IQSEC1: variants seen among roughly 807,000 people sequenced by gnomAD.
IQSEC1 encodes IQ motif and SEC7 domain-containing protein 1.
In IQSEC1, 31 loss-of-function variants were observed where a neutral mutation model predicts 91.0. The observed-to-expected ratio is 0.34, with a 90% CI of 0.26 to 0.46. The LOEUF is 0.46. Ranked by LOEUF, IQSEC1 falls within the 20% of genes least tolerant of loss-of-function variation. The probability of loss-of-function intolerance (pLI) is 1.00; values close to 1 mark genes in which losing one functional copy is unlikely to be tolerated. For missense variants in IQSEC1, 1,388 were observed against 1,575.6 expected, an observed-to-expected ratio of 0.88 and a Z score of 2.02; for synonymous variants, 699 against 662.6, an observed-to-expected ratio of 1.05 and a Z score of -0.84.
Position 12,941,611 on chromosome 3 carries a change from G to C in IQSEC1, c.278C>G (p.Ser93Cys). 1 of 1,607,648 alleles carries C rather than the reference G, an allele frequency of 6.2e-7. No individual in the cohort carries two copies. Among genetic ancestry groups the C allele is most frequent in the Non-Finnish European group, 8.5e-7 (1 of 1,176,842 alleles). ...EEAIKRSRSLSESYELSSDLQ... is the reference protein window; with the variant it reads ...EEAIKRSRSLCESYELSSDLQ... Reference sequence around the variant, plus strand: ...GTCCGAGGAGAGCTCATAGCTCTCGGAGAGTGAGCGTGAGCGCTTGATGGC... The same window carrying C: ...GTCCGAGGAGAGCTCATAGCTCTCGCAGAGTGAGCGTGAGCGCTTGATGGC... Residue 93 changes from serine to cysteine, a missense_variant, in exon 2 of 14, where the codon TCC (serine) becomes TGC (cysteine). Transcript: ENST00000613206.
chr3:13,244,370 G>A (rs1470952630), intron 1 of IQSEC1, among the ~76,000 whole-genome samples: 2 of 152,036 alleles, frequency 1.3e-5, no homozygotes, highest in East Asian at 3.9e-4. Context: ...CTTAGAAATC[G>A]CTCCTCTACA....
chr3:12,957,493 A>G (rs1263174745), intron 1 of IQSEC1, among the ~76,000 whole-genome samples: 1 of 152,210 alleles, frequency 6.6e-6, no homozygotes, highest in African/African-American at 2.4e-5. Context: ...AGTTATTTCC[A>G]TACGCACCAA....
chr3:13,012,617 T>C (rs1702934670), intron 1 of IQSEC1, among the ~76,000 whole-genome samples: 1 of 152,252 alleles, frequency 6.6e-6, no homozygotes. Flanking sequence ...TAATGTTTTC[T>C]GAGCACTTGC....
intron 2 of IQSEC1, among the ~76,000 whole-genome samples, chr3:13,124,707 C>T (rs572327046): frequency 1.4e-4 from 21 of 152,156 alleles, no homozygotes; most frequent in Non-Finnish European, 2.2e-4. Context: ...GTACTTGGCT[C>T]GGGGGCCCCG....
At chr3:13,004,100 G>T (rs1169116439) in intron 1 of IQSEC1, among the ~76,000 whole-genome samples, 1 of 152,140 alleles carries the variant, frequency 6.6e-6, no homozygotes, top group African/African-American at 2.4e-5. Context: ...AAAAATTATT[G>T]TTGGGACCTT....
intron 1 of IQSEC1, among the ~76,000 whole-genome samples, chr3:13,228,009 T>C (rs1225421258): frequency 2.0e-5 from 3 of 152,166 alleles, no homozygotes; most frequent in African/African-American, 7.2e-5. Flanking sequence ...CCAGCGATGG[T>C]TCCTCTGAGG....
intron 12 of IQSEC1, among the ~76,000 whole-genome samples, chr3:12,903,126 G>A (rs994623939): frequency 7.9e-5 from 12 of 152,240 alleles, no homozygotes; most frequent in African/African-American, 2.9e-4. Context: ...AGGGACCCTG[G>A]GGCTGAGGCA....
rs754162593 is a variant in IQSEC1 at position 12,899,514 on chromosome 3, C to T, written c.*1469G>A. 6.4e-7 allele frequency: 1 copy of T among 1,552,274 alleles called. No individual in the cohort carries two copies. Among genetic ancestry groups the T allele is most frequent in the Non-Finnish European group, 8.7e-7 (1 of 1,144,798 alleles). On this transcript the variant is annotated 3_prime_UTR_variant, in exon 14 of 14. Coordinates refer to ENST00000613206, the MANE Select transcript of IQSEC1 (RefSeq NM_001134382.3). ...GGCCCTGGGGAGCGCATGGTGTCAC[C>T]ACAACACAGAAGCGACAAGAGCACA...
chr3:13,203,229 G>GCA (rs1491221852), intron 1 of IQSEC1, among the ~76,000 whole-genome samples: 3 of 150,660 alleles, frequency 2.0e-5, no homozygotes, highest in Non-Finnish European at 4.4e-5. Context: ...ACACATACAT[G>GCA]CACACACACA....
rs1298020597 is a variant in IQSEC1, at chr3:12,922,283, A to G, written c.1731-41T>C. 2 of 1,505,580 alleles carry G rather than the reference A, an allele frequency of 1.3e-6. No individual in the cohort carries two copies. Among genetic ancestry groups the G allele is most frequent in the East Asian group, 2.5e-5 (1 of 39,754 alleles). 93.3% of individuals were successfully genotyped at this position (1,505,580 alleles called of 1,614,324 possible). ...ACAGCCCCGCATAAGCACCCCTTGCAGGTGCGACACGCCCAGCCCACCCCC... is the reference window on the plus strand; with the variant it reads ...ACAGCCCCGCATAAGCACCCCTTGCGGGTGCGACACGCCCAGCCCACCCCC... On this transcript the variant is annotated intron_variant, in intron 4 of 13. Coordinates refer to ENST00000613206, the MANE Select transcript of IQSEC1 (RefSeq NM_001134382.3). The surrounding 1 kb of genome is among the most constrained non-coding windows in gnomAD (Gnocchi z 5.1).
At chr3:13,012,486 C>T (rs1473664956) in intron 1 of IQSEC1, among the ~76,000 whole-genome samples, 1 of 152,212 alleles carries the variant, frequency 6.6e-6, no homozygotes, top group African/African-American at 2.4e-5. Context: ...CTTTTCTAGT[C>T]CCTTCTCCCA....
intron 3 of IQSEC1, among the ~76,000 whole-genome samples, chr3:12,934,644 A>G (rs1461355263): frequency 1.3e-5 from 2 of 152,128 alleles, no homozygotes; most frequent in Admixed American, 6.5e-5. Flanking sequence ...AAATAACGAG[A>G]AATCTCAGGT....
At chr3:13,085,570 G>GCAGC (rs1479119007) in intron 2 of IQSEC1, among the ~76,000 whole-genome samples, 2 of 152,234 alleles carry the variant, frequency 1.3e-5, no homozygotes, top group Non-Finnish European at 2.9e-5. Flanking sequence ...GTGTCCAGCT[G>GCAGC]CAGCCAGGTG....
At chr3:13,118,800 G>A (rs1706376326) in intron 2 of IQSEC1, among the ~76,000 whole-genome samples, 1 of 152,158 alleles carries the variant, frequency 6.6e-6, no homozygotes, top group Non-Finnish European at 1.5e-5. Flanking sequence ...AATGGGCTGG[G>A]GGCGGTGGCT....
At chr3:12,916,772 GCTCA>G (rs1696135792) in intron 6 of IQSEC1, among the ~76,000 whole-genome samples, 1 of 152,238 alleles carries the variant, frequency 6.6e-6, no homozygotes, top group Non-Finnish European at 1.5e-5. Context: ...ACAGGGGAGT[GCTCA>G]ATCATCCCAC....
intron 1 of IQSEC1, among the ~76,000 whole-genome samples, chr3:13,002,773 A>G (rs1702474885): frequency 6.6e-6 from 1 of 152,256 alleles, no homozygotes; most frequent in South Asian, 2.1e-4. Context: ...CAAAACCACA[A>G]TGAGATATGA....
chr3:13,270,145 C>A (rs999885728), intron 1 of IQSEC1, among the ~76,000 whole-genome samples: 2 of 152,210 alleles, frequency 1.3e-5, no homozygotes, highest in Admixed American at 6.5e-5. Context: ...CAGCTGAATA[C>A]CACTGAGTAT....
chr3:12,923,059 G>A (rs927235503), intron 4 of IQSEC1, among the ~76,000 whole-genome samples: 9 of 152,122 alleles, frequency 5.9e-5, no homozygotes, highest in African/African-American at 2.2e-4. Context: ...TCCTCTGAGC[G>A]CTCAAGGCCT....
At chr3:13,202,189 T>C (rs2125050427) in intron 1 of IQSEC1, among the ~76,000 whole-genome samples, 1 of 152,340 alleles carries the variant, frequency 6.6e-6, no homozygotes, top group South Asian at 2.1e-4. Context: ...ATTGGAATCC[T>C]TGTGTACTGG....
Sources: gnomAD v4.1 joint callset for allele counts (sites outside exome capture counted in the v4.1 genomes callset) on GRCh38, gnomAD v4.1.1 for gene constraint, Gnocchi (gnomAD v3.1) non-coding constraint, MANE v1.5 for transcripts, NCBI Gene and HGNC (gene_info 2026-07-23, HGNC 2026-07-21) for gene names.